The following SETD6 variants were observed in gnomAD, a reference collection of about 807,000 sequenced individuals.
The protein encoded by SETD6 is SET domain containing 6, protein lysine methyltransferase.
In SETD6, 67 loss-of-function variants were observed where a neutral mutation model predicts 52.7. The ratio of observed to expected loss-of-function variants is 1.27; its 90% CI spans 1.04 to 1.56. SETD6 has a LOEUF of 1.56. Among genes scored for constraint, SETD6 ranks in the 40% most tolerant of loss-of-function variants. The pLI is 0.00. For missense variants in SETD6, 712 were observed against 607.5 expected (o/e 1.17, Z -1.81); for synonymous variants, 307 against 250.2 (o/e 1.23, Z -2.14).
At chr16:58,518,694 C>A (rs1484875100) in intron 7 of SETD6, 30 bp from the exon 8 acceptor site, 1 of 1,604,038 alleles carries the variant, frequency 6.2e-7, no homozygotes, top group Non-Finnish European at 8.5e-7. Context: ...AGCAGTACAT[C>A]TAATTAAAGA....
In SETD6 at chr16:58,522,054, TCA is replaced by T. The variant is rs971412493; in HGVS notation, c.*3027_*3028del. On this transcript the variant is annotated 3_prime_UTR_variant, in exon 8 of 8. Coordinates refer to ENST00000219315, the MANE Select transcript of SETD6 (RefSeq NM_001160305.4). ...AACACTGCAGGCTGGGCACAGTGAC[TCA>T]CGCCTGTAATCCCAGCACTCTGGGA... 1.3e-5 allele frequency among the ~76,000 whole-genome samples: 2 copies of T among 151,472 alleles called. No homozygotes were observed. Among genetic ancestry groups the T allele is most frequent in the Non-Finnish European group, 2.9e-5 (2 of 67,916 alleles).
At chr16:58,516,149 CG>C in intron 2 of SETD6, 52 bp downstream of exon 2, 2 of 759,652 alleles carry the variant, frequency 2.6e-6, no homozygotes, top group Non-Finnish European at 3.4e-6. Flanking sequence ...CGGGGCGGGG[CG>C]GGCCCGGCCC....
rs1375802946 is a variant in SETD6 at position 58,522,310 on chromosome 16, G to A, written c.*3281G>A. On this transcript the variant is annotated 3_prime_UTR_variant, in exon 8 of 8. Transcript: ENST00000219315. ...ACATGTAAATTGGTAAAATTTTTCC[G>A]AATGCCAGTAAGCATTGGCTTAACT... 3.4e-5 allele frequency among the ~76,000 whole-genome samples: 5 copies of A among 145,228 alleles called. No homozygotes were observed. Among genetic ancestry groups the A allele is most frequent in the Admixed American group, 2.1e-4 (3 of 14,476 alleles).
rs765223478 is a variant in SETD6 at position 58,521,015 on chromosome 16, C to T, written c.*1986C>T. On this transcript the variant is annotated 3_prime_UTR_variant, in exon 8 of 8. Coordinates refer to ENST00000219315, the MANE Select transcript of SETD6 (RefSeq NM_001160305.4). ...GGGCCTGCTTCTGTCCCATGCAGCACTGTGCGACCGACTGGAATAACCTGA... is the reference window on the plus strand; with the variant it reads ...GGGCCTGCTTCTGTCCCATGCAGCATTGTGCGACCGACTGGAATAACCTGA... The T allele has an allele frequency of 1.9e-6, 3 of 1,614,124 alleles. No individual in the cohort carries two copies. Among genetic ancestry groups the T allele is most frequent in the Middle Eastern group, 3.3e-4 (2 of 6,062 alleles).
chr16:58,518,769 G>C lies in SETD6; in HGVS notation c.1162G>C (p.Asp388His). ...AEEFRELKDQ[D>H]GGGDDKREEG... is the part of the protein sequence containing the mutation. ...GGAGTTCAGAGAGCTTAAAGACCAG[G>C]ATGGAGGGGGAGATGATAAAAGGGA... The change falls in exon 8 of 8, where the codon GAT (aspartate) becomes CAT (histidine). Residue 388 changes from aspartate (D) to histidine (H), a missense_variant. Physicochemically the swap from Asp to His is moderately conservative, Grantham distance 81. Transcript: ENST00000219315. 2 of 1,614,146 alleles carry C rather than the reference G, an allele frequency of 1.2e-6. No homozygotes were observed. The highest frequency in any genetic ancestry group is 2.2e-5 in the South Asian group (2 of 91,074).
intron 5 of SETD6, chr16:58,517,735 C>T: frequency 2.7e-6 from 1 of 374,308 alleles, no homozygotes; most frequent in South Asian, 2.5e-5. Flanking sequence ...TTTGACCTCC[C>T]TAAGTGCTGG....
Position 58,518,773 on chromosome 16 carries a change from G to C in SETD6, c.1166G>C (p.Gly389Ala), listed in dbSNP as rs911745146. The change falls in exon 8 of 8, where the codon GGA (glycine) becomes GCA (alanine). Residue 389 changes from glycine (G) to alanine (A), a missense_variant. Gly to Ala is a moderately conservative substitution (Grantham distance 60, BLOSUM62 0). Coordinates refer to ENST00000219315, the MANE Select transcript of SETD6 (RefSeq NM_001160305.4). ...EEFRELKDQD[G>A]GGDDKREEGS... is the part of the protein sequence containing the mutation. ...TTCAGAGAGCTTAAAGACCAGGATG[G>C]AGGGGGAGATGATAAAAGGGAAGAG... 5.0e-6 allele frequency: 8 copies of C among 1,614,050 alleles called. No homozygotes were observed. In the Middle Eastern group the frequency reaches 4.9e-4, roughly 99 times the overall value.
At position 58,522,779 on chromosome 16, in the gene SETD6, C is replaced by G. The variant is rs1214236944; in HGVS notation, c.*3750C>G. Among the ~76,000 whole-genome samples, 1 of 152,198 alleles carries G rather than the reference C, an allele frequency of 6.6e-6. No individual in the cohort carries two copies. Among genetic ancestry groups the G allele is most frequent in the Non-Finnish European group, 1.5e-5 (1 of 68,042 alleles). ...CCACCACCTCAGAGAAACTCCTGACCTTTAATCAAAATGTGCCTTGTGGTA... is the reference window on the plus strand; with the variant it reads ...CCACCACCTCAGAGAAACTCCTGACGTTTAATCAAAATGTGCCTTGTGGTA... On this transcript the variant is annotated 3_prime_UTR_variant, in exon 8 of 8. Coordinates refer to ENST00000219315, the MANE Select transcript of SETD6 (RefSeq NM_001160305.4).
chr16:58,517,731 C>A, intron 5 of SETD6: 1 of 356,654 alleles, frequency 2.8e-6, no homozygotes, highest in South Asian at 2.7e-5. Flanking sequence ...CCACTTTGAC[C>A]TCCCTAAGTG....
In SETD6 at chr16:58,522,528, G is replaced by A. The variant is rs1339900008; in HGVS notation, c.*3499G>A. 6.6e-6 allele frequency among the ~76,000 whole-genome samples: 1 copy of A among 151,726 alleles called. No homozygotes were observed. The highest frequency in any genetic ancestry group is 1.5e-5 in the Non-Finnish European group (1 of 67,988). On this transcript the variant is annotated 3_prime_UTR_variant, in exon 8 of 8. Transcript: ENST00000219315. ...GGTGACTAATTAGGCAAATGAGCAAGTTTTAAGAGTCTGGCCCAATTTTTA... is the reference window on the plus strand; with the variant it reads ...GGTGACTAATTAGGCAAATGAGCAAATTTTAAGAGTCTGGCCCAATTTTTA...
chr16:58,516,293 C>T lies in SETD6; in HGVS notation c.426C>T (p.Pro142=), dbSNP rs2039146899. The change falls in exon 3 of 8, where the codon CCC becomes CCT. Residue 142 remains proline (P), a synonymous_variant. Coordinates refer to ENST00000219315, the MANE Select transcript of SETD6 (RefSeq NM_001160305.4). ...AGGCCCCGGCCTCACGCTGGAGGCC[C>T]TACTTTGCGCTCTGGCCCGAGCTGG... is the stretch of plus-strand genomic sequence containing the variant. The part of the protein sequence containing the change: ...ELQAPASRWR[P]YFALWPELGR... 6.2e-6 allele frequency: 10 copies of T among 1,605,184 alleles called. No individual in the cohort carries two copies. Among genetic ancestry groups the T allele is most frequent in the Non-Finnish European group, 8.5e-6 (10 of 1,179,868 alleles).
At position 58,518,980 on chromosome 16, in the gene SETD6, G is replaced by T. The variant is rs767440004; in HGVS notation, c.1373G>T (p.Arg458Leu). The T allele has an allele frequency of 1.7e-5, 27 of 1,614,048 alleles. No individual in the cohort carries two copies. The highest frequency in any genetic ancestry group is 1.9e-5 in the Non-Finnish European group (23 of 1,179,990). ...AGGGAACAGCAAGCCTTACAGGTTC[G>T]CTATGGTCAGAAGATGATCTTACAT... ...SWREQQALQV[R>L]YGQKMILHQL... The change falls in exon 8 of 8, where the codon CGC becomes CTC. Residue 458 changes from arginine (R) to leucine (L), a missense_variant. Coordinates refer to ENST00000219315, the MANE Select transcript of SETD6 (RefSeq NM_001160305.4).
In SETD6 at chr16:58,516,859, C is replaced by G. The variant is rs971230335; in HGVS notation, c.723C>G (p.Pro241=). 6.2e-6 allele frequency: 10 copies of G among 1,614,054 alleles called. No individual in the cohort carries two copies. The Admixed American group carries it at 1.0e-4, about 16-fold the overall frequency. The change falls in exon 5 of 8, where the codon CCC becomes CCG. Residue 241 remains proline, a synonymous_variant. Coordinates refer to ENST00000219315, the MANE Select transcript of SETD6 (RefSeq NM_001160305.4). ...EEEDEKEPNS[P]VMVPAADILN... is the part of the protein sequence containing the mutation. ...AGGATGAAAAGGAGCCCAACTCCCC[C>G]GTGATGGTGCCTGCTGCAGACATAC... is the stretch of plus-strand genomic sequence containing the variant.
rs1727441372 is a variant in SETD6 at position 58,519,079 on chromosome 16, T to TAATA, written c.*51_*54dup. 2 of 1,501,958 alleles carry TAATA rather than the reference T, an allele frequency of 1.3e-6. No homozygotes were observed. Among genetic ancestry groups the TAATA allele is most frequent in the African/African-American group, 1.4e-5 (1 of 71,428 alleles). The allele number at this position is 1,501,958 out of a possible 1,614,324, so 93.0% of individuals were successfully genotyped here. ...CAGCAATAAGAACTTTATTCTAAGC[T>TAATA]AATACTCATTGATGTTTGAAAAAGA... On this transcript the variant is annotated 3_prime_UTR_variant, in exon 8 of 8. Transcript: ENST00000219315.
chr16:58,521,645 G>C lies in SETD6; in HGVS notation c.*2616G>C, dbSNP rs992329584. On this transcript the variant is annotated 3_prime_UTR_variant, in exon 8 of 8. Coordinates refer to ENST00000219315, the MANE Select transcript of SETD6 (RefSeq NM_001160305.4). ...ATGGCACACAAAGTTAGTACAAAAAGTAGTAATTTCCAGAATGAGCTCCCA... is the reference window on the plus strand; with the variant it reads ...ATGGCACACAAAGTTAGTACAAAAACTAGTAATTTCCAGAATGAGCTCCCA... Among the ~76,000 whole-genome samples the C allele has an allele frequency of 6.6e-6, 1 of 152,176 alleles. No homozygotes were observed.
rs2039468523 is a variant in SETD6, at chr16:58,523,206, C to T, written c.*4177C>T. 1.9e-5 allele frequency: 11 copies of T among 570,462 alleles called. No homozygotes were observed. The highest frequency in any genetic ancestry group is 3.3e-5 in the East Asian group (1 of 30,482). 35.3% of individuals were successfully genotyped at this position (570,462 alleles called of 1,614,324 possible). ...GTTGCAGTGAGCCAAGATGGCGCCACTGTACTGCAGACTGAGTGACAGAGC... is the reference window on the plus strand; with the variant it reads ...GTTGCAGTGAGCCAAGATGGCGCCATTGTACTGCAGACTGAGTGACAGAGC... On this transcript the variant is annotated 3_prime_UTR_variant, in exon 8 of 8. Coordinates refer to ENST00000219315, the MANE Select transcript of SETD6 (RefSeq NM_001160305.4).
chr16:58,515,929 G>T lies in SETD6; in HGVS notation c.166G>T (p.Ala56Ser), dbSNP rs1173095329. ...GAGGACCCGCGGCGGGGCGCGGGCT[G>T]CCCTGACCAGCCCTCCTGCTCAGGT... ...GRRTRGGARA[A>S]LTSPPAQVAV... The change falls in exon 2 of 8, where the codon GCC (alanine) becomes TCC (serine). Residue 56 changes from alanine (A) to serine (S), a missense_variant. Physicochemically the swap from Ala to Ser is moderately conservative, Grantham distance 99. Transcript: ENST00000219315. The T allele has an allele frequency of 3.3e-6, 5 of 1,515,414 alleles. No homozygotes were observed. The highest frequency in any genetic ancestry group is 2.9e-5 in the African/African-American group (2 of 69,522). The allele number at this position is 1,515,414 out of a possible 1,614,324, so 93.9% of individuals were successfully genotyped here. A position where few individuals can be genotyped will look rare whatever the true frequency, so the allele number is the denominator to read the frequency against.
Position 58,523,518 on chromosome 16 carries a change from C to A in SETD6, c.*4489C>A. On this transcript the variant is annotated 3_prime_UTR_variant, in exon 8 of 8. Transcript: ENST00000219315. ...AGATAGCGACCTAGAAATTAAGAAA[C>A]CTTGACTTAGGACTTAGTCTGAAAG... 6.2e-7 allele frequency: 1 copy of A among 1,613,402 alleles called. No homozygotes were observed. The highest frequency in any genetic ancestry group is 8.5e-7 in the Non-Finnish European group (1 of 1,179,604).
chr16:58,515,833 T>G lies in SETD6; in HGVS notation c.70T>G (p.Cys24Gly). 3.2e-6 allele frequency: 5 copies of G among 1,539,714 alleles called. No individual in the cohort carries two copies. Among genetic ancestry groups the G allele is most frequent in the Non-Finnish European group, 4.3e-6 (5 of 1,152,864 alleles). The change falls in exon 2 of 8, where the codon TGC (cysteine) becomes GGC (glycine). Residue 24 changes from cysteine (C) to glycine (G), a missense_variant. By Grantham distance (159) the Cys-to-Gly change is radical (BLOSUM62 -3). Coordinates refer to ENST00000219315, the MANE Select transcript of SETD6 (RefSeq NM_001160305.4). The stretch of plus-strand genomic sequence containing the variant: ...CGGCGGCGACCTGGATCCTGTGGCC[T>G]GCTTCCTGAGCTGGTGCCGGCGGGT... ...VDGGDLDPVA[C>G]FLSWCRRVGL...
Sources: allele counts gnomAD v4.1 joint callset (sites outside exome capture counted in the v4.1 genomes callset), GRCh38; gene constraint gnomAD v4.1.1; transcripts MANE v1.5; gene names NCBI Gene and HGNC (gene_info 2026-07-23, HGNC 2026-07-21).